ZPLD1: variants seen among roughly 807,000 people sequenced by gnomAD.
ZPLD1 encodes the protein zona pellucida-like domain-containing protein 1.
A neutral mutation model predicts 47.2 loss-of-function variants in ZPLD1; 34 were observed. The observed-to-expected ratio is 0.72, with a 90% CI of 0.55 to 0.96. The LOEUF (loss-of-function observed/expected upper bound fraction) is 0.96. ZPLD1 is among the 40% of genes least tolerant of loss of function. The pLI is 0.00. For missense variants in ZPLD1, 512 were observed against 505.8 expected, an observed-to-expected ratio of 1.01 and a Z score of -0.12; for synonymous variants, 176 against 186.2, an observed-to-expected ratio of 0.95 and a Z score of 0.45.
chr3:102,419,344 T>G (rs1351448705), intron 8 of ZPLD1, among the ~76,000 whole-genome samples: 1 of 151,954 alleles, frequency 6.6e-6, no homozygotes, highest in Admixed American at 6.6e-5. Context: ...TTTTCTTTAC[T>G]ATTATAATAC....
intron 7 of ZPLD1, among the ~76,000 whole-genome samples, chr3:102,404,411 T>G (rs746505838): frequency 1.3e-5 from 2 of 152,024 alleles, no homozygotes; most frequent in African/African-American, 2.4e-5. Flanking sequence ...GCCTGGATAC[T>G]CTGCCTTCAC....
chr3:102,414,084 T>G (rs1706777282), intron 7 of ZPLD1, among the ~76,000 whole-genome samples: 1 of 151,788 alleles, frequency 6.6e-6, no homozygotes. Context: ...CACATGCCCA[T>G]TCACCAGGTG....
intron 3 of ZPLD1, among the ~76,000 whole-genome samples, chr3:102,450,512 A>G (rs772585864): frequency 6.6e-6 from 1 of 151,658 alleles, no homozygotes; most frequent in Non-Finnish European, 1.5e-5. Flanking sequence ...TTCATAGAAG[A>G]GAGAGAGAGA....
At position 102,440,067 on chromosome 3, in the gene ZPLD1, A is replaced by G. The variant is rs377610491; in HGVS notation, c.106+1474A>G. ...CTTTTTCCTGTCTATCCTGTAAACC[A>G]ATGAGAGCTAGAAGTTTAAGTAAAT... On this transcript the variant is annotated intron_variant, in intron 3 of 11. Transcript: ENST00000466937. Among the ~76,000 whole-genome samples, 66 of 152,326 alleles carry G rather than the reference A, an allele frequency of 4.3e-4. 2 individuals carry two copies. In the South Asian group the frequency reaches 0.013, roughly 31 times the overall value.
At chr3:102,446,364 T>C (rs1455530201) in intron 3 of ZPLD1, among the ~76,000 whole-genome samples, 1 of 152,222 alleles carries the variant, frequency 6.6e-6, no homozygotes, top group Non-Finnish European at 1.5e-5. Context: ...TGTTTTAAGT[T>C]TATTTCTCTT....
intron 3 of ZPLD1, among the ~76,000 whole-genome samples, chr3:102,440,944 T>G (rs1225631437): frequency 6.6e-6 from 1 of 152,120 alleles, no homozygotes; most frequent in Non-Finnish European, 1.5e-5. Flanking sequence ...ATGGTACAGA[T>G]GAAGGAGTTA....
At chr3:102,402,552 T>C (rs748254371) in intron 7 of ZPLD1, among the ~76,000 whole-genome samples, 1 of 151,958 alleles carries the variant, frequency 6.6e-6, no homozygotes, top group Non-Finnish European at 1.5e-5. Flanking sequence ...GAGAGGACAT[T>C]GGTAAGTCCA....
chr3:102,445,109 A>T (rs952827157), intron 3 of ZPLD1, among the ~76,000 whole-genome samples: 1 of 152,126 alleles, frequency 6.6e-6, no homozygotes, highest in African/African-American at 2.4e-5. Context: ...CTGCCTTTTG[A>T]TGTGGACTGC....
intron 10 of ZPLD1, among the ~76,000 whole-genome samples, chr3:102,473,209 G>A (rs777115284): frequency 7.9e-5 from 12 of 152,072 alleles, no homozygotes; most frequent in South Asian, 2.1e-4. Flanking sequence ...AAACCGTATC[G>A]TTAGTGTAAA....
chr3:102,430,679 A>T (rs1454258617), upstream of ZPLD1, among the ~76,000 whole-genome samples: 3 of 152,230 alleles, frequency 2.0e-5, no homozygotes, highest in Admixed American at 6.5e-5. Context: ...GGTACCCATG[A>T]ACATACATTT....
chr3:102,402,781 G>A (rs752452432), intron 7 of ZPLD1, among the ~76,000 whole-genome samples: 10 of 151,980 alleles, frequency 6.6e-5, no homozygotes, highest in Admixed American at 2.0e-4. Context: ...AGGGCTGTGT[G>A]AAGGTGATGT....
chr3:102,449,289 C>T (rs1046129497), intron 3 of ZPLD1, among the ~76,000 whole-genome samples: 7 of 152,344 alleles, frequency 4.6e-5, no homozygotes, highest in Admixed American at 1.3e-4. Context: ...CGGCCTTCTA[C>T]GCTACTCCAT....
intron 7 of ZPLD1, among the ~76,000 whole-genome samples, chr3:102,410,561 A>G (rs1706738168): frequency 6.6e-6 from 1 of 151,808 alleles, no homozygotes. Flanking sequence ...GAAAAAAATC[A>G]TTACATCATT....
In ZPLD1 at chr3:102,458,441, C is replaced by T. The variant is rs116240245; in HGVS notation, c.582+588C>T. Reference sequence around the variant, plus strand: ...ATTTATACCTCTGACATTAATCCCCCAAATGATATTTTGATGTTGATTAAA... The same window carrying T: ...ATTTATACCTCTGACATTAATCCCCTAAATGATATTTTGATGTTGATTAAA... On this transcript the variant is annotated intron_variant, in intron 6 of 11. Coordinates refer to ENST00000466937, the MANE Select transcript of ZPLD1 (RefSeq NM_001329788.2). Among the ~76,000 whole-genome samples, 1,121 of 152,252 alleles carry T rather than the reference C, an allele frequency of 7.4e-3. 15 individuals carry two copies. The highest frequency in any genetic ancestry group is 0.025 in the African/African-American group (1,046 of 41,536).
Position 102,438,508 on chromosome 3 carries a change from G to C in ZPLD1, c.21G>C (p.Leu7=). 2 of 1,613,874 alleles carry C rather than the reference G, an allele frequency of 1.2e-6. No homozygotes were observed. The highest frequency in any genetic ancestry group is 1.7e-6 in the Non-Finnish European group (2 of 1,179,796). MEQIWL[L]LLLTIRVLPG... is the part of the protein sequence containing the mutation. ...TTGCAATGGAACAAATATGGTTGCT[G>C]CTGCTTCTAACAATTAGAGTGCTTC... The change falls in exon 3 of 12, where the codon CTG becomes CTC. Residue 7 remains leucine (L), a synonymous_variant. Coordinates refer to ENST00000466937, the MANE Select transcript of ZPLD1 (RefSeq NM_001329788.2).
At chr3:102,397,731 C>T (rs1428304729) in intron 7 of ZPLD1, among the ~76,000 whole-genome samples, 1 of 152,116 alleles carries the variant, frequency 6.6e-6, no homozygotes, top group Non-Finnish European at 1.5e-5. Flanking sequence ...TACCACCTCA[C>T]TCACCTTTCC....
At chr3:102,469,608 C>T (rs1707651375) in intron 9 of ZPLD1, among the ~76,000 whole-genome samples, 1 of 152,088 alleles carries the variant, frequency 6.6e-6, no homozygotes, top group African/African-American at 2.4e-5. Context: ...TGGTCAAAGA[C>T]AGAGACACAT....
At chr3:102,450,333 C>T (rs1379929763) in intron 3 of ZPLD1, among the ~76,000 whole-genome samples, 1 of 152,156 alleles carries the variant, frequency 6.6e-6, no homozygotes, top group African/African-American at 2.4e-5. Flanking sequence ...CTTATATATC[C>T]TCCACCCAAA....
At chr3:102,404,958 G>C (rs1212427456) in intron 7 of ZPLD1, among the ~76,000 whole-genome samples, 1 of 151,944 alleles carries the variant, frequency 6.6e-6, no homozygotes, top group Non-Finnish European at 1.5e-5. Context: ...ACTCAGCATA[G>C]TACTATACAC....
Sources: gnomAD v4.1 joint callset for allele counts (sites outside exome capture counted in the v4.1 genomes callset) on GRCh38, gnomAD v4.1.1 for gene constraint, MANE v1.5 for transcripts, NCBI Gene and HGNC (gene_info 2026-07-23, HGNC 2026-07-21) for gene names.